FOXN3: variants seen among roughly 807,000 people sequenced by gnomAD.
FOXN3 encodes the protein forkhead box protein N3.
Under a neutral mutation model 38.4 loss-of-function variants are expected in FOXN3, and 7 were observed. The observed-to-expected ratio is 0.18, with a 90% CI of 0.10 to 0.34. FOXN3 has a LOEUF of 0.34. Among genes scored for constraint, FOXN3 ranks in the 10% least tolerant of loss-of-function variants. The probability of loss-of-function intolerance (pLI) is 1.00; values close to 1 mark genes in which losing one functional copy is unlikely to be tolerated. For synonymous variants in FOXN3, 230 were observed against 242.2 expected (o/e 0.95, Z 0.47); for missense variants, 456 against 613.4 (o/e 0.74, Z 2.71).
chr14:89,297,487 G>A (rs961132161), intron 3 of FOXN3, among the ~76,000 whole-genome samples: 2 of 151,758 alleles, frequency 1.3e-5, no homozygotes, highest in Admixed American at 6.6e-5. Context: ...GTGAAACTGG[G>A]AGGCGGAGCT....
At chr14:89,241,162 C>T (rs1286167773) in intron 4 of FOXN3, among the ~76,000 whole-genome samples, 1 of 152,200 alleles carries the variant, frequency 6.6e-6, no homozygotes, top group Non-Finnish European at 1.5e-5. Flanking sequence ...AGTGACACAA[C>T]GGCATTGCTC....
intron 4 of FOXN3, among the ~76,000 whole-genome samples, chr14:89,254,796 C>A (rs924419308): frequency 5.9e-5 from 9 of 152,240 alleles, no homozygotes; most frequent in Admixed American, 2.0e-4. Context: ...AGAAGAGATA[C>A]TAGTCCTACT....
chr14:89,429,024 G>T (rs913514052), intron 1 of FOXN3, among the ~76,000 whole-genome samples: 1 of 152,166 alleles, frequency 6.6e-6, no homozygotes, highest in Non-Finnish European at 1.5e-5. Flanking sequence ...AGCCTCCCAG[G>T]CATGTCTCCA....
At chr14:89,514,087 G>A (rs1440015111) in intron 1 of FOXN3, among the ~76,000 whole-genome samples, 15 of 152,244 alleles carry the variant, frequency 9.9e-5, no homozygotes, top group Middle Eastern at 3.4e-3. Flanking sequence ...AGGTGATGAC[G>A]CTCATCTTGA....
At chr14:89,267,448 G>T (rs905227171) in intron 4 of FOXN3, among the ~76,000 whole-genome samples, 6 of 152,188 alleles carry the variant, frequency 3.9e-5, no homozygotes, top group African/African-American at 1.2e-4. Context: ...AGGGGCTGGG[G>T]CGGTGCTCTG....
chr14:89,500,564 C>T (rs779851791), intron 1 of FOXN3, among the ~76,000 whole-genome samples: 1 of 152,186 alleles, frequency 6.6e-6, no homozygotes, highest in Non-Finnish European at 1.5e-5. Flanking sequence ...GCCAAGCTGA[C>T]CTGTGAGATC....
intron 3 of FOXN3, among the ~76,000 whole-genome samples, chr14:89,340,548 G>A (rs1888586142): frequency 6.6e-6 from 1 of 152,082 alleles, no homozygotes; most frequent in African/African-American, 2.4e-5. Flanking sequence ...AATGCAACAC[G>A]AACCTTATGT....
At chr14:89,310,613 A>C (rs892723804) in intron 3 of FOXN3, among the ~76,000 whole-genome samples, 3 of 152,188 alleles carry the variant, frequency 2.0e-5, no homozygotes, top group Admixed American at 2.0e-4. Context: ...CATCATGCAA[A>C]TGGAATTATT....
intron 3 of FOXN3, among the ~76,000 whole-genome samples, chr14:89,322,150 C>T (rs551035587): frequency 4.1e-4 from 62 of 152,262 alleles, no homozygotes; most frequent in Admixed American, 7.2e-4. Flanking sequence ...TGCCAGGGTT[C>T]GGGACCCCAT....
chr14:89,386,481 G>A (rs1189663093), intron 2 of FOXN3, among the ~76,000 whole-genome samples: 1 of 152,224 alleles, frequency 6.6e-6, no homozygotes, highest in Non-Finnish European at 1.5e-5. Context: ...GGCACTACTA[G>A]GCTAGGGGAA....
Position 89,593,178 on chromosome 14 carries a change from G to A in FOXN3, c.-15+25850C>T, listed in dbSNP as rs190142235. On this transcript the variant is annotated intron_variant, in intron 1 of 6. Transcript: ENST00000345097. ...GAAAGAAAGCAGAGAAGGAAGGAGG[G>A]AGGAAGGAAGGAGGGAAGGCAGGAG... Among the ~76,000 whole-genome samples the A allele has an allele frequency of 2.5e-3, 353 of 143,948 alleles. 1 individual carries two copies. The highest frequency in any genetic ancestry group is 7.1e-3 in the Middle Eastern group (2 of 280). The allele number at this position is 143,948 out of a possible 152,430, so 94.4% of individuals were successfully genotyped here.
At chr14:89,235,709 A>C (rs973281926) in intron 4 of FOXN3, among the ~76,000 whole-genome samples, 3 of 152,178 alleles carry the variant, frequency 2.0e-5, no homozygotes, top group Non-Finnish European at 4.4e-5. Flanking sequence ...CTCACAAGTG[A>C]AAGAGGGAGG....
intron 1 of FOXN3, among the ~76,000 whole-genome samples, chr14:89,593,061 CAAGG>C (rs1566711943): frequency 1.3e-5 from 1 of 78,572 alleles, no homozygotes; most frequent in African/African-American, 5.1e-5. Context: ...AGGAAGGAAA[CAAGG>C]AGGGAGGGAG....
intron 3 of FOXN3, among the ~76,000 whole-genome samples, chr14:89,319,312 T>C (rs1887833684): frequency 6.6e-6 from 1 of 151,880 alleles, no homozygotes; most frequent in African/African-American, 2.4e-5. Context: ...GAAGCACAAA[T>C]AGCAGAGGGA....
chr14:89,294,220 G>T (rs548314611), intron 3 of FOXN3, among the ~76,000 whole-genome samples: 155 of 152,184 alleles, frequency 1.0e-3, no homozygotes, highest in Non-Finnish European at 1.8e-3. Context: ...ACAGCAGGCC[G>T]CCCTGCCTGA....
chr14:89,374,972 G>A (rs1324517653), intron 2 of FOXN3, among the ~76,000 whole-genome samples: 7 of 142,490 alleles, frequency 4.9e-5, no homozygotes, highest in African/African-American at 1.1e-4. Flanking sequence ...GTGAGACTCC[G>A]TCTCAGAAAA....
At chr14:89,278,576 C>A (rs1886368203) in intron 4 of FOXN3, among the ~76,000 whole-genome samples, 1 of 152,164 alleles carries the variant, frequency 6.6e-6, no homozygotes. Context: ...GGTCCCACAG[C>A]ACCCTAAAGA....
At chr14:89,306,599 A>C (rs1422217348) in intron 3 of FOXN3, among the ~76,000 whole-genome samples, 2 of 151,452 alleles carry the variant, frequency 1.3e-5, no homozygotes, top group Non-Finnish European at 2.9e-5. Flanking sequence ...AATCTCCTGA[A>C]CTCGTGATCC....
At chr14:89,296,841 T>C (rs1887054404) in intron 3 of FOXN3, among the ~76,000 whole-genome samples, 1 of 152,164 alleles carries the variant, frequency 6.6e-6, no homozygotes, top group African/African-American at 2.4e-5. Context: ...TTTGCCATAT[T>C]GGTCAGACTG....
Sources: allele counts gnomAD v4.1 joint callset (sites outside exome capture counted in the v4.1 genomes callset), GRCh38; gene constraint gnomAD v4.1.1; transcripts MANE v1.5; gene names NCBI Gene and HGNC (gene_info 2026-07-23, HGNC 2026-07-21).